The following ZNF837 variants were observed in gnomAD, a reference collection of about 807,000 sequenced individuals.
ZNF837 encodes the protein zinc finger protein 837.
For synonymous variants in ZNF837, 475 were observed against 365.2 expected, an observed-to-expected ratio of 1.30 and a Z score of -3.43; for missense variants, 955 against 801.7, an observed-to-expected ratio of 1.19 and a Z score of -2.31.
At chr19:58,379,518 T>C (rs538842492) in intron 1 of ZNF837, among the ~76,000 whole-genome samples, 73 of 152,324 alleles carry the variant, frequency 4.8e-4, no homozygotes, top group African/African-American at 9.6e-4. Context: ...ATCGAGGCTC[T>C]GGGTCCCAGG....
At position 58,367,898 on chromosome 19, in the gene ZNF837, C is replaced by T. The variant is rs866219427; in HGVS notation, c.1435G>A (p.Asp479Asn). 1.3e-6 allele frequency: 2 copies of T among 1,534,912 alleles called. No individual in the cohort carries two copies. The highest frequency in any genetic ancestry group is 1.7e-4 in the Middle Eastern group (1 of 5,848). ...HSGEKPYICR[D>N]CGKAFVRNCS... The stretch of plus-strand genomic sequence containing the variant: ...TTGCGCACGAAGGCCTTGCCGCAGT[C>T]GCGGCAGATGTAGGGCTTCTCGCCC... Residue 479 changes from aspartate (D) to asparagine (N), a missense_variant, in exon 3 of 3, where the codon GAC becomes AAC. Asp to Asn is a conservative substitution (Grantham distance 23, BLOSUM62 1). Coordinates refer to ENST00000597582, the MANE Select transcript of ZNF837 (RefSeq NM_138466.2).
rs576145963 is a variant in ZNF837 at position 58,367,828 on chromosome 19, G to A, written c.1505C>T (p.Pro502Leu). Reference sequence around the variant, plus strand: ...GCGGCCGCAATCTCCGCACGCGTAGGGCCGCTCGCCCGTGTGCGTGCGCAG... The same window carrying A: ...GCGGCCGCAATCTCCGCACGCGTAGAGCCGCTCGCCCGTGTGCGTGCGCAG... ...RHLRTHTGER[P>L]YACGDCGRAF... Residue 502 changes from proline to leucine, a missense_variant, in exon 3 of 3, where the codon CCC becomes CTC. By Grantham distance (98) the Pro-to-Leu change is moderately conservative. Coordinates refer to ENST00000597582, the MANE Select transcript of ZNF837 (RefSeq NM_138466.2). The A allele has an allele frequency of 3.9e-6, 6 of 1,536,424 alleles. No homozygotes were observed. The African/African-American group carries it at 8.2e-5, about 21-fold the overall frequency.
intron 1 of ZNF837, among the ~76,000 whole-genome samples, chr19:58,374,945 T>C (rs1381536667): frequency 8.8e-6 from 1 of 113,686 alleles, no homozygotes; most frequent in Non-Finnish European, 1.9e-5. Flanking sequence ...AAAAAAAAAA[T>C]TATATATATA....
intron 1 of ZNF837, among the ~76,000 whole-genome samples, chr19:58,370,642 T>A (rs1296084801): frequency 6.6e-6 from 1 of 152,140 alleles, no homozygotes; most frequent in African/African-American, 2.4e-5. Context: ...ACGCCTGTAA[T>A]CCCAGCACTT....
rs61740963 is a variant in ZNF837, at chr19:58,369,246, G to C, written c.87C>G (p.Pro29=). 972 of 1,418,954 alleles carry C rather than the reference G, an allele frequency of 6.9e-4. 10 individuals are homozygous for C. The African/African-American group carries it at 0.013, about 19-fold the overall frequency. The allele number at this position is 1,418,954 out of a possible 1,614,324, so 87.9% of individuals were successfully genotyped here. A position where few individuals can be genotyped will look rare whatever the true frequency, so the allele number is the denominator to read the frequency against. Residue 29 remains proline (P), a synonymous_variant, in exon 3 of 3, where the codon CCC becomes CCG. Transcript: ENST00000597582. ...QGASGAREKR[P]EEPRPLEEDR... ...CCTCTTCGAGGGGCCTCGGCTCCTCGGGCCTCTTCTCCCGGGCCCCGGAGG... is the reference window on the plus strand; with the variant it reads ...CCTCTTCGAGGGGCCTCGGCTCCTCCGGCCTCTTCTCCCGGGCCCCGGAGG...
intron 1 of ZNF837, among the ~76,000 whole-genome samples, chr19:58,376,898 G>A (rs1248252310): frequency 6.8e-6 from 1 of 147,538 alleles, no homozygotes; most frequent in East Asian, 2.0e-4. Context: ...TGGGCAGTAT[G>A]GTGAAACCCT....
chr19:58,378,987 T>G (rs889307578), intron 1 of ZNF837, among the ~76,000 whole-genome samples: 6 of 152,184 alleles, frequency 3.9e-5, no homozygotes, highest in Non-Finnish European at 5.9e-5. Context: ...ACTTCTGGCT[T>G]CCAGGACTGT....
intron 2 of ZNF837, 35 bp from the exon 3 acceptor site, chr19:58,369,396 T>TTCAG: frequency 7.6e-7 from 1 of 1,312,794 alleles, no homozygotes; most frequent in Non-Finnish European, 9.7e-7. Context: ...GGTTGGCGGT[T>TTCAG]CCCAGGAGGA....
In ZNF837 at chr19:58,368,043, G is replaced by C; in HGVS notation, c.1290C>G (p.Gly430=). 1.3e-6 allele frequency: 2 copies of C among 1,536,828 alleles called. No individual in the cohort carries two copies. The highest frequency in any genetic ancestry group is 1.7e-6 in the Non-Finnish European group (2 of 1,145,878). Residue 430 remains glycine, a synonymous_variant, in exon 3 of 3, where the codon GGC becomes GGG. Coordinates refer to ENST00000597582, the MANE Select transcript of ZNF837 (RefSeq NM_138466.2). ...ACPLCEKAFK[G]RSGLVQHQRA... ...GCTGGTGTTGCACCAGGCCCGAGCGGCCCTTGAAGGCCTTTTCGCACAGTG... is the reference window on the plus strand; with the variant it reads ...GCTGGTGTTGCACCAGGCCCGAGCGCCCCTTGAAGGCCTTTTCGCACAGTG...
At chr19:58,380,283 C>T (rs2122140582) in intron 1 of ZNF837, among the ~76,000 whole-genome samples, 1 of 152,324 alleles carries the variant, frequency 6.6e-6, no homozygotes, top group South Asian at 2.1e-4. Flanking sequence ...TCTGTCCTCC[C>T]GACAGTGCCT....
At chr19:58,372,379 C>T (rs781530881) in intron 1 of ZNF837, among the ~76,000 whole-genome samples, 2 of 151,836 alleles carry the variant, frequency 1.3e-5, no homozygotes, top group Non-Finnish European at 2.9e-5. Flanking sequence ...TATTAAATGT[C>T]TCAGAGGGCC....
Position 58,368,079 on chromosome 19 carries a change from G to A in ZNF837, c.1254C>T (p.Pro418=). 1 of 1,551,100 alleles carries A rather than the reference G, an allele frequency of 6.4e-7. No individual in the cohort carries two copies. Among genetic ancestry groups the A allele is most frequent in the Non-Finnish European group, 8.7e-7 (1 of 1,151,464 alleles). Reference sequence around the variant, plus strand: ...CCTTTTCGCACAGTGGGCACGCGTAGGGCTTGGCGCTGCTGTGAGTGCGCT... The same window carrying A: ...CCTTTTCGCACAGTGGGCACGCGTAAGGCTTGGCGCTGCTGTGAGTGCGCT... ...RHQRTHSSAK[P]YACPLCEKAF... is the part of the protein sequence containing the mutation. The change falls in exon 3 of 3, where the codon CCC becomes CCT. Residue 418 remains proline (P), a synonymous_variant. Transcript: ENST00000597582.
intron 1 of ZNF837, among the ~76,000 whole-genome samples, chr19:58,374,911 C>A (rs555090114): frequency 4.0e-5 from 6 of 149,172 alleles, no homozygotes; most frequent in Non-Finnish European, 7.4e-5. Context: ...CCAGCCTGGG[C>A]GACTGAGCAA....
At position 58,368,783 on chromosome 19, in the gene ZNF837, T is replaced by C; in HGVS notation, c.550A>G (p.Lys184Glu). The C allele has an allele frequency of 6.5e-7, 1 of 1,543,798 alleles. No homozygotes were observed. The part of the protein sequence containing the change: ...TGAPTCPRTP[K>E]PTSRGRNPLV... ...GGGTTCCTCCCGCGGGAGGTCGGCT[T>C]TGGGGTCCTCGGGCAGGTCGGAGCG... The change falls in exon 3 of 3, where the codon AAG becomes GAG. Residue 184 changes from lysine to glutamate, a missense_variant. By Grantham distance (56) the Lys-to-Glu change is moderately conservative. Transcript: ENST00000597582.
At chr19:58,380,911 G>A (rs548677056) in intron 1 of ZNF837, 30 bp downstream of exon 1, 134 of 152,438 alleles carry the variant, frequency 8.8e-4, no homozygotes, top group African/African-American at 3.1e-3. Flanking sequence ...CGCAGGCCGA[G>A]GTTGCGGGTC....
intron 1 of ZNF837, among the ~76,000 whole-genome samples, chr19:58,370,352 C>A (rs2052188575): frequency 6.6e-6 from 1 of 152,178 alleles, no homozygotes; most frequent in Non-Finnish European, 1.5e-5. Flanking sequence ...AGGATTCTGA[C>A]CCTTCTGCCT....
chr19:58,368,301 G>C lies in ZNF837; in HGVS notation c.1032C>G (p.Cys344Trp), dbSNP rs2052159815. 1.3e-6 allele frequency: 2 copies of C among 1,484,380 alleles called. No homozygotes were observed. The highest frequency in any genetic ancestry group is 1.8e-6 in the Non-Finnish European group (2 of 1,126,916). The allele number at this position is 1,484,380 out of a possible 1,614,324, so 92.0% of individuals were successfully genotyped here. ...GGGGACTCCGCTCGCTGTAGTCCCC[G>C]CAGGGCGGGCACCCCAGCCGGAAGG... Reference protein sequence around the residue: ...RRAFRLGCPPCGDYSERSPRR... With the variant: ...RRAFRLGCPPWGDYSERSPRR... The change falls in exon 3 of 3, where the codon TGC becomes TGG. Residue 344 changes from cysteine (C) to tryptophan (W), a missense_variant. Physicochemically the swap from Cys to Trp is radical, Grantham distance 215 (BLOSUM62 -2). Coordinates refer to ENST00000597582, the MANE Select transcript of ZNF837 (RefSeq NM_138466.2).
intron 1 of ZNF837, among the ~76,000 whole-genome samples, chr19:58,378,786 T>C (rs544951915): frequency 3.2e-4 from 48 of 152,288 alleles, no homozygotes; most frequent in Middle Eastern, 3.4e-3. Flanking sequence ...CAATGACAGG[T>C]GTCCTTATGA....
chr19:58,377,322 T>C (rs1302355455), intron 1 of ZNF837, among the ~76,000 whole-genome samples: 2 of 151,192 alleles, frequency 1.3e-5, no homozygotes, highest in Non-Finnish European at 2.9e-5. Flanking sequence ...CTGGCTAACA[T>C]GGTGAAATCC....
Sources: gnomAD v4.1 joint callset for allele counts (sites outside exome capture counted in the v4.1 genomes callset) on GRCh38, gnomAD v4.1.1 for gene constraint, MANE v1.5 for transcripts, NCBI Gene and HGNC (gene_info 2026-07-23, HGNC 2026-07-21) for gene names.